Variants in AMN1 observed in about 807,000 individuals in gnomAD.
AMN1 encodes the protein antagonist of mitotic exit network 1 homolog.
AMN1 carries 20 observed loss-of-function variants against 33.0 expected under a neutral mutation model. The ratio of observed to expected loss-of-function variants is 0.61; its 90% confidence interval spans 0.43 to 0.88. AMN1 has a LOEUF of 0.88. AMN1 is among the 40% of genes least tolerant of loss of function. AMN1 has a pLI of 0.00. For missense variants in AMN1, 246 were observed against 307.4 expected, an observed-to-expected ratio of 0.80 and a Z score of 1.49; for synonymous variants, 114 against 111.9, an observed-to-expected ratio of 1.02 and a Z score of -0.12.
chr12:31,687,746 G>A lies in AMN1; in HGVS notation c.703+1261C>T, dbSNP rs1420271077. Among the ~76,000 whole-genome samples the A allele has an allele frequency of 6.6e-6, 1 of 151,906 alleles. No homozygotes were observed. The highest frequency in any genetic ancestry group is 2.4e-5 in the African/African-American group (1 of 41,332). ...TAGACTGTAATAAGAAAAATGAGCT[G>A]GAAGGACTGGGCATAACTACTGATT... On this transcript the variant is annotated intron_variant, in intron 6 of 6. Coordinates refer to ENST00000281471, the MANE Select transcript of AMN1 (RefSeq NM_001113402.2). This position sits in a 1 kb window ranked among gnomAD's most constrained non-coding sequence, Gnocchi z 4.1.
At chr12:31,723,380 G>A (rs545886188) in intron 1 of AMN1, among the ~76,000 whole-genome samples, 12 of 152,016 alleles carry the variant, frequency 7.9e-5, no homozygotes, top group Non-Finnish European at 1.8e-4. Flanking sequence ...CTGCGATCTC[G>A]GCTCACTGCA....
rs1352110904 is a variant in AMN1 at position 31,687,708 on chromosome 12, T to G, written c.703+1299A>C. On this transcript the variant is annotated intron_variant, in intron 6 of 6. Coordinates refer to ENST00000281471, the MANE Select transcript of AMN1 (RefSeq NM_001113402.2). The surrounding 1 kb of genome is among the most constrained non-coding windows in gnomAD (Gnocchi z 4.1). ...TCTCAAAAAAAAAAAAAAGAATAAT[T>G]GGAATAATTATTTAGACTGTAATAA... Among the ~76,000 whole-genome samples the G allele has an allele frequency of 2.6e-5, 4 of 151,418 alleles. No individual in the cohort carries two copies. The East Asian group carries it at 7.7e-4, about 29-fold the overall frequency.
At chr12:31,707,332 G>A (rs912355236) in intron 2 of AMN1, among the ~76,000 whole-genome samples, 3 of 152,208 alleles carry the variant, frequency 2.0e-5, no homozygotes, top group East Asian at 3.9e-4. Flanking sequence ...TTGAAAACAC[G>A]GAGGTCAAGG....
At chr12:31,674,224 T>C (rs530778922) in intron 6 of AMN1, among the ~76,000 whole-genome samples, 83 of 152,046 alleles carry the variant, frequency 5.5e-4, no homozygotes, top group Middle Eastern at 3.4e-3. Flanking sequence ...CTGGCCAACA[T>C]AGTGAAACCC....
intron 5 of AMN1, 21 bp from the exon 6 acceptor site, chr12:31,689,139 T>C (rs1938396107): frequency 1.3e-6 from 2 of 1,506,292 alleles, no homozygotes; most frequent in Non-Finnish European, 1.8e-6. Flanking sequence ...ATAAAGAAAA[T>C]AAAGTCAAAT....
At position 31,689,014 on chromosome 12, in the gene AMN1, C is replaced by A; in HGVS notation, c.696G>T (p.Leu232Phe). 6.2e-7 allele frequency: 1 copy of A among 1,609,452 alleles called. No homozygotes were observed. The highest frequency in any genetic ancestry group is 8.5e-7 in the Non-Finnish European group (1 of 1,176,764). The change falls in exon 6 of 7, where the codon TTG (leucine) becomes TTT (phenylalanine). Residue 232 changes from leucine to phenylalanine, a missense_variant. Leu to Phe is a conservative substitution (Grantham distance 22, BLOSUM62 0). Coordinates refer to ENST00000281471, the MANE Select transcript of AMN1 (RefSeq NM_001113402.2). ...GCAATCTATTGCACTAACCTGTTAT[C>A]AAGGGGCATCCATGGAAGAGTAATA... ...IRILLFHGCP[L>F]ITDHSREVLE...
At chr12:31,680,298 T>G (rs1475939278) in intron 6 of AMN1, among the ~76,000 whole-genome samples, 1 of 151,650 alleles carries the variant, frequency 6.6e-6, no homozygotes, top group Non-Finnish European at 1.5e-5. Flanking sequence ...CCTCCCGGGT[T>G]CAAGCAATTC....
At chr12:31,700,248 A>C (rs1180144114) in intron 3 of AMN1, among the ~76,000 whole-genome samples, 2 of 151,994 alleles carry the variant, frequency 1.3e-5, no homozygotes, top group African/African-American at 4.8e-5. Flanking sequence ...CTGCGGTCCC[A>C]GCTACTTGGG....
At chr12:31,723,660 T>A (rs1352195358) in intron 1 of AMN1, among the ~76,000 whole-genome samples, 3 of 152,190 alleles carry the variant, frequency 2.0e-5, no homozygotes, top group Non-Finnish European at 4.4e-5. Context: ...TCAACAGATG[T>A]TTCACACCCC....
In AMN1 at chr12:31,672,371, G is replaced by C; in HGVS notation, c.710C>G (p.Ser237Cys). The change falls in exon 7 of 7, where the codon TCC becomes TGC. Residue 237 changes from serine to cysteine, a missense_variant. Ser to Cys is a moderately radical substitution (Grantham distance 112, BLOSUM62 -1). Coordinates refer to ENST00000281471, the MANE Select transcript of AMN1 (RefSeq NM_001113402.2). Reference sequence around the variant, plus strand: ...TACTAATTGCTCCAACACTTCTCGGGAATGATCTATAAAAGAAAACAATGA... The same window carrying C: ...TACTAATTGCTCCAACACTTCTCGGCAATGATCTATAAAAGAAAACAATGA... ...FHGCPLITDH[S>C]REVLEQLVGP... 3.2e-6 allele frequency: 5 copies of C among 1,567,786 alleles called. No individual in the cohort carries two copies. Among genetic ancestry groups the C allele is most frequent in the Non-Finnish European group, 4.3e-6 (5 of 1,153,552 alleles).
chr12:31,685,769 C>T (rs551020239), intron 6 of AMN1, among the ~76,000 whole-genome samples: 2 of 126,866 alleles, frequency 1.6e-5, no homozygotes, highest in Admixed American at 1.0e-4. Flanking sequence ...CCACTGCACT[C>T]CAGCCTGGGC....
intron 5 of AMN1, among the ~76,000 whole-genome samples, chr12:31,690,899 G>A (rs1222802402): frequency 6.6e-6 from 1 of 152,146 alleles, no homozygotes; most frequent in Non-Finnish European, 1.5e-5. Context: ...ACTTTGGGAG[G>A]CCAGGGTGGG....
intron 5 of AMN1, among the ~76,000 whole-genome samples, chr12:31,695,156 G>C (rs1338484394): frequency 6.6e-6 from 1 of 151,736 alleles, no homozygotes; most frequent in Non-Finnish European, 1.5e-5. Flanking sequence ...ATTCTACTTA[G>C]GTTGGTGCTC....
At chr12:31,685,077 G>T (rs10843997) in intron 6 of AMN1, among the ~76,000 whole-genome samples, 8,020 of 147,844 alleles carry the variant, frequency 0.054, 472 homozygotes, top group East Asian at 0.18. Context: ...TGCCCAGGCT[G>T]GAGTGCAGTG....
chr12:31,695,487 C>CTTTCTTTTTT (rs59342673), intron 5 of AMN1, among the ~76,000 whole-genome samples: 18 of 130,678 alleles, frequency 1.4e-4, no homozygotes, highest in South Asian at 2.5e-4. Context: ...TTCTTTCTTT[C>CTTTCTTTTTT]TTTTTTTTTT....
chr12:31,694,325 C>A (rs1425242425), intron 5 of AMN1, among the ~76,000 whole-genome samples: 1 of 151,488 alleles, frequency 6.6e-6, no homozygotes, highest in Non-Finnish European at 1.5e-5. Flanking sequence ...GCCTATAATC[C>A]CAGCTACTTG....
chr12:31,681,370 A>G (rs1422251352), intron 6 of AMN1, among the ~76,000 whole-genome samples: 1 of 152,142 alleles, frequency 6.6e-6, no homozygotes, highest in African/African-American at 2.4e-5. Context: ...CTGGAATTAC[A>G]GGCATACATC....
intron 6 of AMN1, among the ~76,000 whole-genome samples, chr12:31,682,925 C>G (rs1317442537): frequency 6.6e-6 from 1 of 150,516 alleles, no homozygotes; most frequent in Admixed American, 6.6e-5. Flanking sequence ...GGCAGCCACA[C>G]AAAAATATAA....
At chr12:31,721,725 C>T (rs1234735361) in intron 1 of AMN1, among the ~76,000 whole-genome samples, 2 of 152,162 alleles carry the variant, frequency 1.3e-5, no homozygotes, top group Non-Finnish European at 2.9e-5. Context: ...ACCTGGTCTG[C>T]CACTTGGAAG....
Sources: gnomAD v4.1 joint callset for allele counts (sites outside exome capture counted in the v4.1 genomes callset) on GRCh38, gnomAD v4.1.1 for gene constraint, Gnocchi (gnomAD v3.1) non-coding constraint, MANE v1.5 for transcripts, NCBI Gene and HGNC (gene_info 2026-07-23, HGNC 2026-07-21) for gene names.